The following TCF7L1 variants were observed in gnomAD, a reference collection of about 807,000 sequenced individuals.
The protein encoded by TCF7L1 is transcription factor 7 like 1, also known as transcription factor 7-like 1.
In TCF7L1, 18 loss-of-function variants were observed where a neutral mutation model predicts 63.7. The observed-to-expected ratio is 0.28, with a 90% CI of 0.20 to 0.42. The LOEUF (loss-of-function observed/expected upper bound fraction) is 0.42. Among genes scored for constraint, TCF7L1 ranks in the 10% least tolerant of loss-of-function variants. The pLI is 1.00. For missense variants in TCF7L1, 654 were observed against 779.3 expected, an observed-to-expected ratio of 0.84 and a Z score of 1.91; for synonymous variants, 355 against 340.9, an observed-to-expected ratio of 1.04 and a Z score of -0.46.
At chr2:85,267,930 T>A (rs996829415) in intron 3 of TCF7L1, among the ~76,000 whole-genome samples, 10 of 152,238 alleles carry the variant, frequency 6.6e-5, no homozygotes, top group African/African-American at 2.4e-4. Flanking sequence ...TGAAATGATA[T>A]TAATATCAAA....
chr2:85,283,274 C>CCCCT (rs1558655735), intron 3 of TCF7L1, among the ~76,000 whole-genome samples: 1 of 138,712 alleles, frequency 7.2e-6, no homozygotes, highest in African/African-American at 2.6e-5. Flanking sequence ...GTCCCCCCCC[C>CCCCT]CAAAATGACA....
At chr2:85,258,715 A>G (rs576969518) in intron 3 of TCF7L1, among the ~76,000 whole-genome samples, 2 of 152,244 alleles carry the variant, frequency 1.3e-5, no homozygotes, top group Admixed American at 6.5e-5. Context: ...ATGGGCTTGC[A>G]TCTATGTTCT....
At chr2:85,282,548 G>T (rs1400312937) in intron 3 of TCF7L1, among the ~76,000 whole-genome samples, 1 of 152,194 alleles carries the variant, frequency 6.6e-6, no homozygotes, top group Non-Finnish European at 1.5e-5. Context: ...ACCGTCCCTA[G>T]TCCGAACAAC....
intron 3 of TCF7L1, among the ~76,000 whole-genome samples, chr2:85,145,390 A>G (rs1280819803): frequency 6.6e-6 from 1 of 152,246 alleles, no homozygotes; most frequent in Non-Finnish European, 1.5e-5. Flanking sequence ...GATCTCATTG[A>G]TAATGAGGAA....
At chr2:85,169,174 C>G (rs78793804) in intron 3 of TCF7L1, among the ~76,000 whole-genome samples, 5,042 of 152,202 alleles carry the variant, frequency 0.033, 300 homozygotes, top group African/African-American at 0.12. Context: ...CCCATCTGAC[C>G]TCACTCGGTC....
chr2:85,292,724 G>T (rs1225778733), intron 4 of TCF7L1, among the ~76,000 whole-genome samples: 2 of 152,132 alleles, frequency 1.3e-5, no homozygotes, highest in Non-Finnish European at 2.9e-5. Context: ...CCACAGGTGT[G>T]CACCATCATG....
rs115237876 is a variant in TCF7L1, at chr2:85,174,355, A to C, written c.441+39905A>C. On this transcript the variant is annotated intron_variant, in intron 3 of 11. Transcript: ENST00000282111. ...CCAAATACTGTACTGCATTATATGG[A>C]TATACTACATTTTGTATATCCATTC... Among the ~76,000 whole-genome samples, 1,182 of 152,220 alleles carry C rather than the reference A, an allele frequency of 7.8e-3. 6 individuals carry two copies. The highest frequency in any genetic ancestry group is 0.031 in the Middle Eastern group (9 of 294).
chr2:85,205,203 A>G (rs1679373730), intron 3 of TCF7L1, among the ~76,000 whole-genome samples: 1 of 152,210 alleles, frequency 6.6e-6, no homozygotes, highest in African/African-American at 2.4e-5. Context: ...AGTTGTTTTA[A>G]AATAATAAAT....
At chr2:85,307,972 T>G (rs1339719433) in intron 11 of TCF7L1, among the ~76,000 whole-genome samples, 1 of 152,162 alleles carries the variant, frequency 6.6e-6, no homozygotes, top group African/African-American at 2.4e-5. Context: ...ACAATCTAAT[T>G]CCATTGAAAA....
intron 3 of TCF7L1, among the ~76,000 whole-genome samples, chr2:85,231,826 G>A (rs752067382): frequency 3.3e-5 from 5 of 152,148 alleles, no homozygotes; most frequent in South Asian, 2.1e-4. Context: ...TTTTTCTAGC[G>A]TAGTGTAGGG....
chr2:85,177,722 A>AAT lies in TCF7L1; in HGVS notation c.441+43273_441+43274insTA, dbSNP rs528441808. ...CCTGTCTCTAAAAAATAAAAATAAA[A>AAT]AAATGAAAAAAGGGAAAAGACGATT... On this transcript the variant is annotated intron_variant, in intron 3 of 11. Transcript: ENST00000282111. Among the ~76,000 whole-genome samples the AAT allele has an allele frequency of 6.8e-4, 103 of 152,338 alleles. 3 individuals are homozygous for AAT. The South Asian group carries it at 0.021, about 31-fold the overall frequency.
Position 85,133,601 on chromosome 2 carries a change from G to A in TCF7L1, c.-84G>A. 8.9e-6 allele frequency: 4 copies of A among 448,982 alleles called. No homozygotes were observed. Among genetic ancestry groups the A allele is most frequent in the Non-Finnish European group, 1.2e-5 (4 of 341,632 alleles). The allele number at this position is 448,982 out of a possible 1,614,324, so 27.8% of individuals were successfully genotyped here. On this transcript the variant is annotated 5_prime_UTR_variant, in exon 1 of 12. Transcript: ENST00000282111. The surrounding 1 kb of genome is among the most constrained non-coding windows in gnomAD (Gnocchi z 4.4). The stretch of plus-strand genomic sequence containing the variant: ...GGCTAGCGCAGCGGGCCCGCAAGCG[G>A]GCGGGAGGGGCGCCGGGCCGGGCCG...
chr2:85,148,647 T>C (rs944136062), intron 3 of TCF7L1, among the ~76,000 whole-genome samples: 5 of 152,188 alleles, frequency 3.3e-5, no homozygotes, highest in East Asian at 3.8e-4. Context: ...ATCTCCAGGA[T>C]ATAAAAAGAA....
intron 3 of TCF7L1, among the ~76,000 whole-genome samples, chr2:85,171,296 C>T (rs1048817396): frequency 2.6e-5 from 4 of 152,164 alleles, no homozygotes; most frequent in Admixed American, 1.3e-4. Context: ...AGCTACAATT[C>T]GAGATTTAGG....
rs531046747 is a variant in TCF7L1 at position 85,279,854 on chromosome 2, T to C, written c.442-3641T>C. Among the ~76,000 whole-genome samples, 6 of 152,162 alleles carry C rather than the reference T, an allele frequency of 3.9e-5. No homozygotes were observed. The East Asian group carries it at 1.2e-3, about 29-fold the overall frequency. The stretch of plus-strand genomic sequence containing the variant: ...AGGACCACCTCTCCCTTCTGGTCTT[T>C]TCCCTCACACTGCCTGACTTGTCTG... On this transcript the variant is annotated intron_variant, in intron 3 of 11. Coordinates refer to ENST00000282111, the MANE Select transcript of TCF7L1 (RefSeq NM_031283.3).
At chr2:85,285,626 C>A (rs539728744) in intron 4 of TCF7L1, among the ~76,000 whole-genome samples, 4 of 152,342 alleles carry the variant, frequency 2.6e-5, no homozygotes, top group South Asian at 4.1e-4. Context: ...TTGGGATAGC[C>A]AAGCACGAGG....
intron 3 of TCF7L1, among the ~76,000 whole-genome samples, chr2:85,195,703 C>T (rs1679138983): frequency 1.3e-5 from 2 of 152,070 alleles, no homozygotes; most frequent in South Asian, 2.1e-4. Context: ...CACGCCACCA[C>T]CCCCGGCCAA....
intron 3 of TCF7L1, among the ~76,000 whole-genome samples, chr2:85,260,200 G>A (rs1274679031): frequency 6.6e-6 from 1 of 152,200 alleles, no homozygotes; most frequent in East Asian, 1.9e-4. Flanking sequence ...GATCATAGCT[G>A]ATAGCTGTCA....
intron 3 of TCF7L1, among the ~76,000 whole-genome samples, chr2:85,182,057 G>T (rs564229009): frequency 2.0e-5 from 3 of 152,270 alleles, no homozygotes; most frequent in Non-Finnish European, 2.9e-5. Context: ...GGGAGCAGCT[G>T]GTGGACATGG....
Sources: allele counts gnomAD v4.1 joint callset (sites outside exome capture counted in the v4.1 genomes callset), GRCh38; gene constraint gnomAD v4.1.1; non-coding constraint Gnocchi (gnomAD v3.1); transcripts MANE v1.5; gene names NCBI Gene and HGNC (gene_info 2026-07-23, HGNC 2026-07-21).